The following CSMD1 variants were observed in gnomAD, a reference collection of about 807,000 sequenced individuals.
CSMD1 encodes CUB and sushi domain-containing protein 1.
CSMD1 carries 213 observed loss-of-function variants against 417.5 expected under a neutral mutation model. The observed-to-expected ratio is 0.51, with a 90% CI of 0.46 to 0.57. CSMD1 has a LOEUF of 0.57. Ranked by LOEUF, CSMD1 falls within the 20% of genes least tolerant of loss-of-function variation. The pLI, the probability that CSMD1 is intolerant of heterozygous loss-of-function variation, is 0.00. For synonymous variants in CSMD1, 2,862 were observed against 1,736.8 expected, an observed-to-expected ratio of 1.65 and a Z score of -16.11; for missense variants, 6,923 against 4,529.7, an observed-to-expected ratio of 1.53 and a Z score of -15.17.
At chr8:4,749,985 G>C (rs1057059261) in intron 1 of CSMD1, among the ~76,000 whole-genome samples, 2 of 151,176 alleles carry the variant, frequency 1.3e-5, no homozygotes, top group South Asian at 2.1e-4. Context: ...TAAAACCCTT[G>C]TTTAATTGAA....
At chr8:3,411,948 A>ATATATGTATACGTG (rs1812784252) in intron 12 of CSMD1, among the ~76,000 whole-genome samples, 3 of 13,198 alleles carry the variant, frequency 2.3e-4, no homozygotes, top group Non-Finnish European at 3.7e-4. Context: ...ATATGCACGT[A>ATATATGTATACGTG]TATATACACG....
At chr8:3,728,579 C>A (rs1802631545) in intron 6 of CSMD1, among the ~76,000 whole-genome samples, 1 of 152,178 alleles carries the variant, frequency 6.6e-6, no homozygotes, top group African/African-American at 2.4e-5. Context: ...AGTGGTGTGA[C>A]TGACTTGCAC....
At chr8:3,538,754 G>T (rs367725283) in intron 10 of CSMD1, among the ~76,000 whole-genome samples, 17 of 152,296 alleles carry the variant, frequency 1.1e-4, no homozygotes, top group Admixed American at 3.9e-4. Flanking sequence ...CAGTCACACA[G>T]CTCTACATGT....
chr8:3,821,481 C>T (rs1801732831), intron 5 of CSMD1, among the ~76,000 whole-genome samples: 1 of 148,750 alleles, frequency 6.7e-6, no homozygotes, highest in Admixed American at 6.7e-5. Flanking sequence ...ACATTTTTGG[C>T]TCCATTAAAG....
intron 1 of CSMD1, among the ~76,000 whole-genome samples, chr8:4,909,975 T>C (rs1401948579): frequency 6.6e-6 from 1 of 152,200 alleles, no homozygotes; most frequent in Non-Finnish European, 1.5e-5. Flanking sequence ...TACTATATTA[T>C]TTATCTTTTC....
At chr8:4,453,436 C>G (rs919581233) in intron 2 of CSMD1, among the ~76,000 whole-genome samples, 1 of 152,120 alleles carries the variant, frequency 6.6e-6, no homozygotes, top group Non-Finnish European at 1.5e-5. Flanking sequence ...GTTAGTCACC[C>G]GTGTGTTGGT....
intron 49 of CSMD1, among the ~76,000 whole-genome samples, chr8:3,054,915 A>T (rs545863585): frequency 6.6e-6 from 1 of 152,336 alleles, no homozygotes; most frequent in African/African-American, 2.4e-5. Flanking sequence ...TCCTGAATGC[A>T]GTAAATGCCA....
intron 26 of CSMD1, among the ~76,000 whole-genome samples, chr8:3,253,560 C>T (rs1288556335): frequency 1.3e-5 from 2 of 152,164 alleles, no homozygotes; most frequent in African/African-American, 4.8e-5. Context: ...TGGAGCAGTG[C>T]TGAGTTCAAT....
At chr8:4,044,632 A>T (rs1173045991) in intron 3 of CSMD1, among the ~76,000 whole-genome samples, 1 of 130,042 alleles carries the variant, frequency 7.7e-6, no homozygotes, top group African/African-American at 2.7e-5. Flanking sequence ...AAGAAGAGAC[A>T]TAGCGCACCC....
At chr8:4,952,266 A>G (rs1464171351) in intron 1 of CSMD1, among the ~76,000 whole-genome samples, 3 of 151,996 alleles carry the variant, frequency 2.0e-5, no homozygotes, top group Non-Finnish European at 4.4e-5. Flanking sequence ...ATAAACTATT[A>G]TAGATAATAA....
intron 56 of CSMD1, 63 bp from the exon 57 acceptor site, chr8:2,973,362 T>A (rs1804628350): frequency 6.7e-7 from 1 of 1,501,608 alleles, no homozygotes; most frequent in South Asian, 1.2e-5. Context: ...AGCAGAGTTG[T>A]CACACTTAAA....
chr8:3,459,392 A>C (rs6995462), intron 12 of CSMD1, among the ~76,000 whole-genome samples: 93,799 of 151,534 alleles, frequency 0.62, 29,162 homozygotes, highest in South Asian at 0.67. Flanking sequence ...TCCTTCTCAT[A>C]CAACTTCCTT....
At chr8:3,924,896 T>C (rs1025843510) in intron 5 of CSMD1, among the ~76,000 whole-genome samples, 1 of 152,216 alleles carries the variant, frequency 6.6e-6, no homozygotes, top group Admixed American at 6.5e-5. Context: ...TGCTTTGTTT[T>C]GCTATTTTGG....
intron 5 of CSMD1, among the ~76,000 whole-genome samples, chr8:3,812,559 C>A (rs890785941): frequency 1.3e-5 from 2 of 152,160 alleles, no homozygotes; most frequent in African/African-American, 4.8e-5. Context: ...CAACTATCCT[C>A]GGAGACCTTG....
chr8:4,031,164 C>T (rs1004179685), intron 4 of CSMD1, among the ~76,000 whole-genome samples: 3 of 152,210 alleles, frequency 2.0e-5, no homozygotes, highest in African/African-American at 7.2e-5. Context: ...TCCAAAGTCG[C>T]TTCCACATCT....
chr8:4,179,451 G>T (rs887630961), intron 3 of CSMD1, among the ~76,000 whole-genome samples: 2 of 151,684 alleles, frequency 1.3e-5, no homozygotes, highest in Non-Finnish European at 2.9e-5. Context: ...AGACTTAAAC[G>T]TTAGACCTAA....
chr8:3,014,187 T>G (rs1585150950), intron 52 of CSMD1, among the ~76,000 whole-genome samples: 1 of 104,606 alleles, frequency 9.6e-6, no homozygotes, highest in East Asian at 2.7e-4. Flanking sequence ...AAGATAGGAA[T>G]AAAATTTTTG....
At chr8:3,769,440 A>T (rs966154495) in intron 5 of CSMD1, among the ~76,000 whole-genome samples, 2 of 151,650 alleles carry the variant, frequency 1.3e-5, no homozygotes, top group African/African-American at 2.4e-5. Flanking sequence ...TTCCAGTGTA[A>T]AGTGACAGGC....
chr8:4,502,590 ACTC>A (rs1802314281), intron 2 of CSMD1, among the ~76,000 whole-genome samples: 1 of 152,014 alleles, frequency 6.6e-6, no homozygotes, highest in African/African-American at 2.4e-5. Context: ...AACCATTGCC[ACTC>A]CTCATTTTAA....
Sources: allele counts gnomAD v4.1 joint callset (sites outside exome capture counted in the v4.1 genomes callset), GRCh38; gene constraint gnomAD v4.1.1; transcripts MANE v1.5; gene names NCBI Gene and HGNC (gene_info 2026-07-23, HGNC 2026-07-21).